Variants in RIF1 observed in about 807,000 individuals in gnomAD.
RIF1 encodes the protein telomere-associated protein RIF1.
RIF1 carries 45 observed loss-of-function variants against 247.1 expected under a neutral mutation model. The observed-to-expected ratio is 0.18, with a 90% confidence interval of 0.14 to 0.23. RIF1 has a LOEUF of 0.23. RIF1 is among the 10% of genes least tolerant of loss of function. The probability of loss-of-function intolerance (pLI) is 1.00; values close to 1 mark genes in which losing one functional copy is unlikely to be tolerated. For synonymous variants in RIF1, 1,087 were observed against 978.8 expected (o/e 1.11, Z -2.06); for missense variants, 2,967 against 2,862.5 (o/e 1.04, Z -0.83).
chr2:151,439,972 C>CCAAA, intron 14 of RIF1, 55 bp from the exon 15 acceptor site: 1 of 274,380 alleles, frequency 3.6e-6, no homozygotes, highest in East Asian at 8.9e-5. Context: ...GACCCTGTCT[C>CCAAA]AAAAAAAAAA....
In RIF1 at chr2:151,410,405, G is replaced by C. The variant is rs752015951; in HGVS notation, c.-10-9G>C. 1.1e-5 allele frequency: 18 copies of C among 1,609,014 alleles called. No homozygotes were observed. In the South Asian group the frequency reaches 2.0e-4, roughly 18 times the overall value. On this transcript the variant is annotated splice_polypyrimidine_tract_variant and intron_variant, in intron 1 of 35. Transcript: ENST00000444746. ...ACTGGATTTTCTCCTCTTCCGGTTC[G>C]GGCCTCAGGGTGGCCGACATGACGG...
chr2:151,460,498 AAAT>A (rs1365846676), intron 26 of RIF1, among the ~76,000 whole-genome samples: 2 of 139,218 alleles, frequency 1.4e-5, no homozygotes, highest in Admixed American at 7.8e-5. Flanking sequence ...GAATAGAAAT[AAAT>A]AATGCCTAGA....
At chr2:151,471,591 T>C (rs1172456528) in intron 34 of RIF1, among the ~76,000 whole-genome samples, 9 of 152,240 alleles carry the variant, frequency 5.9e-5, no homozygotes, top group Admixed American at 1.3e-4. Context: ...TACATATGGC[T>C]AGCCAGTTTT....
intron 10 of RIF1, chr2:151,496,969 A>C (rs1322623871): frequency 3.8e-6 from 6 of 1,579,730 alleles, no homozygotes; most frequent in Non-Finnish European, 3.4e-6. Context: ...ATTGTGTTTG[A>C]CTCTCTCCAT....
Position 151,506,900 on chromosome 2 carries a change from T to G in RIF1, c.*1027+525T>G, listed in dbSNP as rs1226676144. On this transcript the variant is annotated intron_variant and NMD_transcript_variant, in intron 13 of 13. Transcript: ENST00000454583. ...TTAGCATTAAATGCAAAATAAATAG[T>G]AAATATACCGAGCTGAAATTCTTCT... 3.2e-6 allele frequency: 5 copies of G among 1,560,150 alleles called. 1 individual carries two copies. In the Middle Eastern group the frequency reaches 6.9e-4, roughly 216 times the overall value.
At chr2:151,416,527 A>G (rs371725147) in intron 4 of RIF1, 34 bp from the exon 5 acceptor site, 1 of 1,558,176 alleles carries the variant, frequency 6.4e-7, no homozygotes, top group Non-Finnish European at 8.7e-7. Flanking sequence ...AGTATCACCT[A>G]TTCTATACAA....
At chr2:151,453,590 A>AT (rs1404081608) in intron 21 of RIF1, among the ~76,000 whole-genome samples, 7 of 151,808 alleles carry the variant, frequency 4.6e-5, no homozygotes, top group African/African-American at 1.7e-4. Flanking sequence ...AAAAAAAAAA[A>AT]AAAAAAAAAA....
At chr2:151,427,895 AAAAAT>A (rs1371835027) in intron 8 of RIF1, among the ~76,000 whole-genome samples, 1 of 152,278 alleles carries the variant, frequency 6.6e-6, no homozygotes, top group East Asian at 1.9e-4. Flanking sequence ...TGCCTCAACC[AAAAAT>A]AAAATAAGTA....
chr2:151,439,277 G>A (rs972374377), intron 14 of RIF1, among the ~76,000 whole-genome samples: 5 of 152,132 alleles, frequency 3.3e-5, no homozygotes, highest in African/African-American at 7.2e-5. Flanking sequence ...AACCCGTGTC[G>A]TTCAAGGGTC....
intron 8 of RIF1, 35 bp downstream of exon 8, chr2:151,423,077 T>G (rs1265111980): frequency 9.0e-7 from 1 of 1,105,862 alleles, no homozygotes; most frequent in African/African-American, 1.5e-5. Context: ...CAACAGTTTT[T>G]ACATGCTGGA....
chr2:151,448,251 C>G (rs567302058), intron 20 of RIF1, among the ~76,000 whole-genome samples: 1 of 152,176 alleles, frequency 6.6e-6, no homozygotes, highest in East Asian at 1.9e-4. Context: ...ACCGTGTTGG[C>G]CAGGCTGGTC....
At chr2:151,424,147 A>T (rs11683313) in intron 8 of RIF1, among the ~76,000 whole-genome samples, 4,567 of 152,304 alleles carry the variant, frequency 0.03, 126 homozygotes, top group East Asian at 0.14. Flanking sequence ...CTTGTCACCC[A>T]GGCTGGAGTA....
At chr2:151,449,155 G>A (rs1048311941) in intron 20 of RIF1, among the ~76,000 whole-genome samples, 1 of 152,076 alleles carries the variant, frequency 6.6e-6, no homozygotes, top group Non-Finnish European at 1.5e-5. Context: ...ATACTTGCTT[G>A]TTGCTGAAGG....
chr2:151,523,190 G>A, the RIF1 span, among the ~76,000 whole-genome samples: 3 of 151,992 alleles, frequency 2.0e-5, no homozygotes, highest in Non-Finnish European at 2.9e-5. Flanking sequence ...TTTGTTGGTG[G>A]TGGTGATCCC....
chr2:151,461,312 G>GT, intron 27 of RIF1, 23 bp downstream of exon 27: 1 of 1,604,108 alleles, frequency 6.2e-7, no homozygotes, highest in South Asian at 1.1e-5. Context: ...TTTATCTTGA[G>GT]TTGGGTATTT....
rs2064466448 is a variant in RIF1 at position 151,501,444 on chromosome 2, G to GT, written c.*710-1589dup. 6.5e-7 allele frequency: 1 copy of GT among 1,541,728 alleles called. No individual in the cohort carries two copies. The highest frequency in any genetic ancestry group is 2.4e-5 in the East Asian group (1 of 40,884). On this transcript the variant is annotated intron_variant and NMD_transcript_variant, in intron 11 of 13. Coordinates refer to the RIF1 transcript ENST00000454583. Reference sequence around the variant, plus strand: ...ACTCGCTCCATCTCAGGAGTGACAGGTAGGGGAGTCCCCTTGCTCAAGTTC... The same window carrying GT: ...ACTCGCTCCATCTCAGGAGTGACAGGTTAGGGGAGTCCCCTTGCTCAAGTTC...
the RIF1 span, chr2:151,513,508 C>G: frequency 2.6e-5 from 28 of 1,091,910 alleles, no homozygotes; most frequent in South Asian, 4.0e-4. Context: ...AATCAGATGA[C>G]AGAGGGACAC....
chr2:151,437,645 T>G (rs539998233), intron 13 of RIF1, among the ~76,000 whole-genome samples: 3 of 152,290 alleles, frequency 2.0e-5, no homozygotes, highest in South Asian at 4.2e-4. Context: ...GAGCCAAGAT[T>G]GTGCCACTGC....
rs117085783 is a variant in RIF1 at position 151,413,641 on chromosome 2, A to C, written c.184-1182A>C. On this transcript the variant is annotated intron_variant, in intron 3 of 35. Coordinates refer to ENST00000444746, the MANE Select transcript of RIF1 (RefSeq NM_018151.5). ...TTACTAGCTGTTATCCAGGAGATAC[A>C]CTAGTAGCTCTCAAAGTATTAAGCC... Among the ~76,000 whole-genome samples, 25 of 152,328 alleles carry C rather than the reference A, an allele frequency of 1.6e-4. No homozygotes were observed. The East Asian group carries it at 3.9e-3, about 23-fold the overall frequency.
Sources: gnomAD v4.1 joint callset for allele counts (sites outside exome capture counted in the v4.1 genomes callset) on GRCh38, gnomAD v4.1.1 for gene constraint, MANE v1.5 for transcripts, NCBI Gene and HGNC (gene_info 2026-07-23, HGNC 2026-07-21) for gene names.